EHMT1: variants seen among roughly 807,000 people sequenced by gnomAD.
The protein encoded by EHMT1 is histone-lysine N-methyltransferase EHMT1.
Under a neutral mutation model 147.2 loss-of-function variants are expected in EHMT1, and 15 were observed. The observed-to-expected ratio is 0.10, with a 90% CI of 0.07 to 0.16. EHMT1 has a LOEUF of 0.16. Ranked by LOEUF, EHMT1 falls within the 10% of genes least tolerant of loss-of-function variation. EHMT1 has a pLI of 1.00. For synonymous variants in EHMT1, 795 were observed against 709.6 expected (o/e 1.12, Z -1.91); for missense variants, 1,587 against 1,772.4 (o/e 0.90, Z 1.88).
intron 1 of EHMT1, among the ~76,000 whole-genome samples, chr9:137,625,416 C>G (rs1186349591): frequency 6.6e-6 from 1 of 152,050 alleles, no homozygotes. Flanking sequence ...GTTGCTCAGG[C>G]TGGTCTTGAA....
rs201655114 is a variant in EHMT1 at position 137,834,495 on chromosome 9, C to A, written c.3687C>A (p.Thr1229=). 1 of 1,612,186 alleles carries A rather than the reference C, an allele frequency of 6.2e-7. No individual in the cohort carries two copies. The highest frequency in any genetic ancestry group is 2.2e-5 in the East Asian group (1 of 44,872). Residue 1229 remains threonine, a synonymous_variant, in exon 26 of 27, where the codon ACC becomes ACA. Transcript: ENST00000460843. Reference sequence around the variant, plus strand: ...TCCCCCGGATCGCCTTCTTCAGCACCCGCCTGATCGAGGCCGGCGAGCAGC... The same window carrying A: ...TCCCCCGGATCGCCTTCTTCAGCACACGCCTGATCGAGGCCGGCGAGCAGC... ...LRFPRIAFFS[T]RLIEAGEQLG...
chr9:137,808,082 G>A (rs1248993904), intron 18 of EHMT1, among the ~76,000 whole-genome samples: 2 of 152,168 alleles, frequency 1.3e-5, no homozygotes, highest in East Asian at 1.9e-4. Context: ...AGGTTTGTTA[G>A]GTGGGTCTGG....
intron 1 of EHMT1, among the ~76,000 whole-genome samples, chr9:137,643,347 T>TC (rs985968681): frequency 6.7e-6 from 1 of 148,466 alleles, no homozygotes; most frequent in African/African-American, 2.5e-5. Flanking sequence ...GTTTTTTTTT[T>TC]TTTTTTTTTT....
At chr9:137,671,532 T>TC (rs1940643534) in intron 1 of EHMT1, among the ~76,000 whole-genome samples, 2 of 148,944 alleles carry the variant, frequency 1.3e-5, no homozygotes, top group South Asian at 4.4e-4. Context: ...TTTTTTTTTT[T>TC]TTTTTTTTTC....
At chr9:137,691,148 C>CT (rs1253355645) in intron 1 of EHMT1, among the ~76,000 whole-genome samples, 1 of 151,998 alleles carries the variant, frequency 6.6e-6, no homozygotes, top group Non-Finnish European at 1.5e-5. Context: ...TTTCCTGTCT[C>CT]TAAGACTTGG....
intron 15 of EHMT1, among the ~76,000 whole-genome samples, chr9:137,789,680 C>T (rs947174566): frequency 1.3e-5 from 2 of 152,308 alleles, no homozygotes; most frequent in East Asian, 3.9e-4. Flanking sequence ...TCCTTCCGGT[C>T]AAAGTCTCCT....
chr9:137,801,070 A>G (rs1953439718), intron 18 of EHMT1, 86 bp downstream of exon 18: 1 of 1,222,144 alleles, frequency 8.2e-7, no homozygotes, highest in Non-Finnish European at 1.2e-6. Flanking sequence ...CAAAAGCAGA[A>G]CCCTGGCACC....
At chr9:137,646,191 C>T in intron 1 of EHMT1, 1 of 210,820 alleles carries the variant, frequency 4.7e-6, no homozygotes, top group South Asian at 1.7e-4. Context: ...ATCTCCTGGC[C>T]TCAGGTGATC....
chr9:137,657,582 T>A (rs368382324), intron 1 of EHMT1, among the ~76,000 whole-genome samples: 3 of 151,742 alleles, frequency 2.0e-5, no homozygotes, highest in East Asian at 3.9e-4. Context: ...GTACATGAGA[T>A]GTTTTGATAC....
chr9:137,719,673 A>G (rs1223184000), intron 3 of EHMT1, among the ~76,000 whole-genome samples: 1 of 152,220 alleles, frequency 6.6e-6, no homozygotes, highest in Non-Finnish European at 1.5e-5. Flanking sequence ...CTAGAGGACA[A>G]TGTCAGACCC....
intron 1 of EHMT1, chr9:137,646,212 G>C (rs997124987): frequency 3.0e-6 from 1 of 335,972 alleles, no homozygotes; most frequent in African/African-American, 2.2e-5. Context: ...CGCCTGCCTC[G>C]GCCTCCCAAA....
At chr9:137,764,671 T>C (rs964018201) in intron 10 of EHMT1, 2 of 152,250 alleles carry the variant, frequency 1.3e-5, no homozygotes, top group African/African-American at 4.8e-5. Context: ...ATTTAGTGCC[T>C]AGTCCATGGT....
chr9:137,766,053 T>A (rs11137211), intron 10 of EHMT1, among the ~76,000 whole-genome samples: 31,906 of 151,332 alleles, frequency 0.21, 4,963 homozygotes, highest in East Asian at 0.76. Context: ...AGCCCAGGAG[T>A]TCAAGACCAG....
intron 15 of EHMT1, among the ~76,000 whole-genome samples, chr9:137,789,687 T>C (rs6559222): frequency 0.33 from 50,314 of 152,122 alleles, 8,610 homozygotes; most frequent in Admixed American, 0.43. Context: ...GGTCAAAGTC[T>C]CCTGAGCCTC....
chr9:137,650,259 C>A (rs1030241206), intron 1 of EHMT1, among the ~76,000 whole-genome samples: 24 of 152,012 alleles, frequency 1.6e-4, no homozygotes, highest in Admixed American at 1.5e-3. Flanking sequence ...GGCCACAATG[C>A]CAGCTAATTT....
intron 1 of EHMT1, among the ~76,000 whole-genome samples, chr9:137,665,763 G>A (rs1036998681): frequency 1.1e-4 from 17 of 152,236 alleles, no homozygotes; most frequent in Non-Finnish European, 4.4e-5. Context: ...TCGTTAAATG[G>A]TTTCCATCTG....
intron 1 of EHMT1, among the ~76,000 whole-genome samples, chr9:137,656,579 C>T (rs551899914): frequency 3.3e-5 from 5 of 152,246 alleles, no homozygotes; most frequent in Admixed American, 3.3e-4. Flanking sequence ...TCTTGACTGC[C>T]TTGTGCCCAG....
Position 137,776,696 on chromosome 9 carries a change from G to T in EHMT1, c.1870G>T (p.Ala624Ser), listed in dbSNP as rs146905719. Residue 624 changes from alanine (A) to serine (S), a missense_variant, in exon 12 of 27, where the codon GCC becomes TCC. By Grantham distance (99) the Ala-to-Ser change is moderately conservative. Coordinates refer to ENST00000460843, the MANE Select transcript of EHMT1 (RefSeq NM_024757.5). This position sits in a 1 kb window ranked among gnomAD's most constrained non-coding sequence, Gnocchi z 4.4. Reference protein sequence around the residue: ...HKDCASRVNNASYCPHCGEES... With the variant: ...HKDCASRVNNSSYCPHCGEES... ...AGACTGTGCCTCTCGAGTCAATAAC[G>T]CCAGCTATTGTCCCCACTGTGGGGA... 62 of 1,613,822 alleles carry T rather than the reference G, an allele frequency of 3.8e-5. 1 individual carries two copies. The South Asian group carries it at 6.8e-4, about 18-fold the overall frequency.
intron 1 of EHMT1, among the ~76,000 whole-genome samples, chr9:137,643,592 C>T (rs1844666323): frequency 6.6e-6 from 1 of 152,118 alleles, no homozygotes; most frequent in Admixed American, 6.5e-5. Flanking sequence ...TCGTGATCTG[C>T]CCACCTTGGC....
Sources: gnomAD v4.1 joint callset for allele counts (sites outside exome capture counted in the v4.1 genomes callset) on GRCh38, gnomAD v4.1.1 for gene constraint, Gnocchi (gnomAD v3.1) non-coding constraint, MANE v1.5 for transcripts, NCBI Gene and HGNC (gene_info 2026-07-23, HGNC 2026-07-21) for gene names.